MALRD1: variants seen among roughly 807,000 people sequenced by gnomAD.
MALRD1 encodes MAM and LDL receptor class A domain containing 1, also known as MAM and LDL-receptor class A domain-containing protein 1.
In MALRD1, 247 loss-of-function variants were observed where a neutral mutation model predicts 242.1. The ratio of observed to expected loss-of-function variants is 1.02; its 90% CI spans 0.92 to 1.13. The LOEUF (loss-of-function observed/expected upper bound fraction) is 1.13, where lower values mean the gene tolerates loss of function less well. MALRD1 is among the 50% of genes most tolerant of loss of function. The probability of loss-of-function intolerance (pLI) is 0.00; values close to 1 mark genes in which losing one functional copy is unlikely to be tolerated. For synonymous variants in MALRD1, 995 were observed against 866.6 expected (o/e 1.15, Z -2.60); for missense variants, 2,989 against 2,533.1 (o/e 1.18, Z -3.86).
intron 24 of MALRD1, among the ~76,000 whole-genome samples, chr10:19,338,165 A>G (rs1394812971): frequency 6.6e-6 from 1 of 152,114 alleles, no homozygotes; most frequent in Non-Finnish European, 1.5e-5. Flanking sequence ...TAAACCTACA[A>G]TGACACATCA....
At chr10:19,188,630 G>T (rs10763881) in intron 14 of MALRD1, among the ~76,000 whole-genome samples, 1 of 151,522 alleles carries the variant, frequency 6.6e-6, no homozygotes, top group Non-Finnish European at 1.5e-5. Flanking sequence ...GAGCTACCTT[G>T]TTTAATGTTG....
At chr10:19,597,495 C>T (rs1838152362) in intron 34 of MALRD1, among the ~76,000 whole-genome samples, 1 of 152,212 alleles carries the variant, frequency 6.6e-6, no homozygotes, top group South Asian at 2.1e-4. Flanking sequence ...ATTCAGTGGC[C>T]ACAATTCACC....
chr10:19,461,383 C>G (rs922251130), intron 29 of MALRD1, among the ~76,000 whole-genome samples: 5 of 152,028 alleles, frequency 3.3e-5, no homozygotes, highest in African/African-American at 1.2e-4. Context: ...ACTTTTTGGT[C>G]TTTTAGTCTT....
chr10:19,457,833 G>GTTT (rs1835738200), intron 29 of MALRD1, among the ~76,000 whole-genome samples: 1 of 151,346 alleles, frequency 6.6e-6, no homozygotes, highest in Non-Finnish European at 1.5e-5. Flanking sequence ...AATAGTACTA[G>GTTT]TTTAAGTATT....
intron 36 of MALRD1, among the ~76,000 whole-genome samples, chr10:19,644,172 G>A (rs1288153672): frequency 6.6e-6 from 1 of 152,140 alleles, no homozygotes; most frequent in African/African-American, 2.4e-5. Flanking sequence ...TGTCCTCTGT[G>A]TTCTGCTGGA....
chr10:19,341,518 ATATATG>A (rs1843870671), intron 24 of MALRD1, among the ~76,000 whole-genome samples: 1 of 146,668 alleles, frequency 6.8e-6, no homozygotes, highest in Non-Finnish European at 1.5e-5. Flanking sequence ...ATATGTGTGT[ATATATG>A]TATATATATA....
chr10:19,731,834 A>C (rs989774242), intron 39 of MALRD1, among the ~76,000 whole-genome samples: 1 of 152,212 alleles, frequency 6.6e-6, no homozygotes, highest in Non-Finnish European at 1.5e-5. Context: ...CTAAAGTTTT[A>C]ATTATTCTCT....
chr10:19,634,929 A>T (rs1041853905), intron 36 of MALRD1, among the ~76,000 whole-genome samples: 1 of 152,196 alleles, frequency 6.6e-6, no homozygotes, highest in Non-Finnish European at 1.5e-5. Flanking sequence ...ATGAAACTGG[A>T]TGTGCAAGCA....
At chr10:19,330,080 A>G (rs1843298801) in intron 23 of MALRD1, among the ~76,000 whole-genome samples, 1 of 152,092 alleles carries the variant, frequency 6.6e-6, no homozygotes, top group Admixed American at 6.6e-5. Context: ...CCCTTTTAAG[A>G]AAGTCATAGT....
Position 19,065,287 on chromosome 10 carries a change from CAAAA to C in MALRD1, c.200-1413_200-1410del, listed in dbSNP as rs1197670439. On this transcript the variant is annotated intron_variant, in intron 1 of 39. Transcript: ENST00000454679. Reference sequence around the variant, plus strand: ...GGGCAACAAGAGCAAAACGCTGTCTCAAAAAAAAAAAAAAAAAAAAAAGGAAGAA... The same window carrying C: ...GGGCAACAAGAGCAAAACGCTGTCTCAAAAAAAAAAAAAAAAAAGGAAGAA... 5.1e-4 allele frequency among the ~76,000 whole-genome samples: 26 copies of C among 50,624 alleles called. No individual in the cohort carries two copies. In the South Asian group the frequency reaches 0.025, roughly 49 times the overall value. The allele number at this position is 50,624 out of a possible 152,430, so 33.2% of individuals were successfully genotyped here. A position where few individuals can be genotyped will look rare whatever the true frequency, so the allele number is the denominator to read the frequency against.
At chr10:19,226,504 A>G (rs1318109552) in intron 18 of MALRD1, among the ~76,000 whole-genome samples, 2 of 152,124 alleles carry the variant, frequency 1.3e-5, no homozygotes, top group Non-Finnish European at 2.9e-5. Flanking sequence ...AAGTTCATTG[A>G]TAAGTGTTTA....
chr10:19,218,725 C>T (rs923063062), intron 18 of MALRD1, among the ~76,000 whole-genome samples: 3 of 152,092 alleles, frequency 2.0e-5, no homozygotes, highest in Non-Finnish European at 4.4e-5. Context: ...AAAGAATAGA[C>T]TTGAGATTTC....
chr10:19,667,311 A>G lies in MALRD1; in HGVS notation c.6138-24971A>G, dbSNP rs911563075. Among the ~76,000 whole-genome samples the G allele has an allele frequency of 3.9e-5, 6 of 152,022 alleles. No individual in the cohort carries two copies. The South Asian group carries it at 1.0e-3, about 26-fold the overall frequency. On this transcript the variant is annotated intron_variant, in intron 36 of 39. Coordinates refer to ENST00000454679, the MANE Select transcript of MALRD1 (RefSeq NM_001142308.3). ...TCTCTATTTAAAAAAGGAAAAAAAA[A>G]TATCTGGACTCAGTAACAGCTTACT...
rs1842206945 is a variant in MALRD1 at position 19,306,408 on chromosome 10, CGTGT to C, written c.3420-17540_3420-17537del. 2.2e-5 allele frequency among the ~76,000 whole-genome samples: 2 copies of C among 90,866 alleles called. 1 individual carries two copies. Among genetic ancestry groups the C allele is most frequent in the African/African-American group, 8.3e-5 (2 of 24,206 alleles). 59.6% of individuals were successfully genotyped at this position (90,866 alleles called of 152,430 possible). Reference sequence around the variant, plus strand: ...AGTATATATAGTGTCGTATATGTACCGTGTATAGTATATATAGTGTCGTATATGT... The same window carrying C: ...AGTATATATAGTGTCGTATATGTACCATAGTATATATAGTGTCGTATATGT... On this transcript the variant is annotated intron_variant, in intron 21 of 39. Transcript: ENST00000454679.
At chr10:19,439,548 T>G (rs35718159) in intron 28 of MALRD1, among the ~76,000 whole-genome samples, 119,275 of 151,536 alleles carry the variant, frequency 0.79, 47,554 homozygotes, top group African/African-American at 0.92. Flanking sequence ...AAAAAAAAAG[T>G]GGGGGATAAA....
chr10:19,112,322 C>T (rs1836705868), intron 5 of MALRD1, among the ~76,000 whole-genome samples: 2 of 151,606 alleles, frequency 1.3e-5, no homozygotes, highest in Non-Finnish European at 2.9e-5. Flanking sequence ...GTGGTTGGGG[C>T]AGGGGTGGAG....
chr10:19,295,907 T>A (rs904491193), intron 21 of MALRD1, among the ~76,000 whole-genome samples: 5 of 152,156 alleles, frequency 3.3e-5, no homozygotes, highest in African/African-American at 1.2e-4. Context: ...TTAAACAAAT[T>A]CCCAGGTGAT....
intron 18 of MALRD1, among the ~76,000 whole-genome samples, chr10:19,217,871 T>G (rs2131654299): frequency 6.6e-6 from 1 of 152,294 alleles, no homozygotes; most frequent in East Asian, 1.9e-4. Context: ...GTGAGATCAC[T>G]GAATGCAGGG....
intron 21 of MALRD1, among the ~76,000 whole-genome samples, chr10:19,309,356 T>A (rs905103904): frequency 1.3e-5 from 2 of 151,498 alleles, no homozygotes; most frequent in Admixed American, 6.6e-5. Flanking sequence ...TTCATTTTTA[T>A]AAAAGATGGG....
Sources: allele counts gnomAD v4.1 joint callset (sites outside exome capture counted in the v4.1 genomes callset), GRCh38; gene constraint gnomAD v4.1.1; transcripts MANE v1.5; gene names NCBI Gene and HGNC (gene_info 2026-07-23, HGNC 2026-07-21).